The following TREML4 variants were observed in gnomAD, a reference collection of about 807,000 sequenced individuals.
TREML4 encodes triggering receptor expressed on myeloid cells like 4.
TREML4 carries 25 observed loss-of-function variants against 25.4 expected under a neutral mutation model. The ratio of observed to expected loss-of-function variants is 0.98; its 90% confidence interval spans 0.72 to 1.37. The LOEUF is 1.37. TREML4 is among the 40% of genes most tolerant of loss of function. The pLI, the probability that TREML4 is intolerant of heterozygous loss-of-function variation, is 0.00. For synonymous variants in TREML4, 92 were observed against 87.9 expected, an observed-to-expected ratio of 1.05 and a Z score of -0.26; for missense variants, 268 against 236.5, an observed-to-expected ratio of 1.13 and a Z score of -0.87.
chr6:41,236,591 A>T lies in TREML4; in HGVS notation c.*9A>T, dbSNP rs9349186. ...AGGGCCTGATGTTGTGAGTCCTGTT[A>T]GTGCTCCTGATCTGCAGGTGCCACA... On this transcript the variant is annotated 3_prime_UTR_variant, in exon 5 of 6. Coordinates refer to ENST00000341495, the MANE Select transcript of TREML4 (RefSeq NM_198153.3). 528,252 of 1,609,508 alleles carry T rather than the reference A, an allele frequency of 0.33. 87,705 individuals are homozygous for T. Among genetic ancestry groups the T allele is most frequent in the East Asian group, 0.38 (17,190 of 44,806 alleles).
chr6:41,237,845 A>C lies in TREML4; in HGVS notation c.*826A>C, dbSNP rs1766932594. On this transcript the variant is annotated 3_prime_UTR_variant, in exon 6 of 6. Coordinates refer to ENST00000341495, the MANE Select transcript of TREML4 (RefSeq NM_198153.3). ...AATTCTGTTTACTTAACATGTGAGA[A>C]GATTCACAGCCTAAAAGAGAAAATC... is the stretch of plus-strand genomic sequence containing the variant. The C allele has an allele frequency of 6.6e-6, 1 of 152,254 alleles. No homozygotes were observed. Among genetic ancestry groups the C allele is most frequent in the African/African-American group, 2.4e-5 (1 of 41,468 alleles). The allele number at this position is 152,254 out of a possible 1,614,324, so 9.4% of individuals were successfully genotyped here.
intron 3 of TREML4, 38 bp from the exon 4 acceptor site, chr6:41,230,024 G>A (rs935571108): frequency 7.1e-6 from 11 of 1,549,308 alleles, no homozygotes; most frequent in Non-Finnish European, 9.8e-6. Flanking sequence ...CTATTCTGGT[G>A]CCCTGGGCAG....
intron 4 of TREML4, among the ~76,000 whole-genome samples, chr6:41,233,683 C>CAA (rs1368013808): frequency 6.6e-6 from 1 of 151,856 alleles, no homozygotes; most frequent in African/African-American, 2.4e-5. Context: ...CTCAGAGGAT[C>CAA]AAAGACCAAT....
In TREML4 at chr6:41,237,419, C is replaced by G. The variant is rs13204001; in HGVS notation, c.*400C>G. Reference sequence around the variant, plus strand: ...CCCAGGCTCCTCTCCAGCACTCTGTCGTTCTCTGAGCCCCACCTCAGCAGG... The same window carrying G: ...CCCAGGCTCCTCTCCAGCACTCTGTGGTTCTCTGAGCCCCACCTCAGCAGG... On this transcript the variant is annotated 3_prime_UTR_variant, in exon 6 of 6. Coordinates refer to ENST00000341495, the MANE Select transcript of TREML4 (RefSeq NM_198153.3). The G allele has an allele frequency of 0.34, 51,516 of 152,436 alleles. 8,691 individuals are homozygous for G. Among genetic ancestry groups the G allele is most frequent in the Middle Eastern group, 0.43 (128 of 296 alleles). 9.4% of individuals were successfully genotyped at this position (152,436 alleles called of 1,614,324 possible).
At chr6:41,229,410 A>T in intron 2 of TREML4, 111 bp from the exon 3 acceptor site, 1 of 1,169,444 alleles carries the variant, frequency 8.6e-7, no homozygotes, top group South Asian at 1.2e-5. Flanking sequence ...CTCCTGGCTT[A>T]AGACATCCTG....
In TREML4 at chr6:41,233,023, G is replaced by A. The variant is rs77625822; in HGVS notation, c.506+2901G>A. ...AAGGAGAGACCAGAAGCCCATGAAA[G>A]AATGGTTGGGTACTTGTCTCATGAG... On this transcript the variant is annotated intron_variant, in intron 4 of 5. Transcript: ENST00000341495. 3.9e-5 allele frequency among the ~76,000 whole-genome samples: 6 copies of A among 152,282 alleles called. No homozygotes were observed. In the East Asian group the frequency reaches 9.6e-4, roughly 24 times the overall value.
In TREML4 at chr6:41,228,758, C is replaced by T. The variant is rs1267511334; in HGVS notation, c.108C>T (p.Leu36=). The T allele has an allele frequency of 6.2e-7, 1 of 1,614,018 alleles. No homozygotes were observed. The highest frequency in any genetic ancestry group is 1.3e-5 in the African/African-American group (1 of 74,886). The change falls in exon 2 of 6, where the codon CTC becomes CTT. Residue 36 remains leucine, a synonymous_variant. Transcript: ENST00000341495. ...TTCACAAACACCCAGGACAGACCCTCCTCCTGCAATGCCAGTACTCACCCA... is the reference window on the plus strand; with the variant it reads ...TTCACAAACACCCAGGACAGACCCTTCTCCTGCAATGCCAGTACTCACCCA... ...EELHKHPGQT[L]LLQCQYSPKR...
In TREML4 at chr6:41,237,829, T is replaced by G. The variant is rs1035124426; in HGVS notation, c.*810T>G. On this transcript the variant is annotated 3_prime_UTR_variant, in exon 6 of 6. Coordinates refer to ENST00000341495, the MANE Select transcript of TREML4 (RefSeq NM_198153.3). ...GATAATCTGGGGCCCAAATTCTGTT[T>G]ACTTAACATGTGAGAAGATTCACAG... 2.0e-5 allele frequency: 3 copies of G among 152,212 alleles called. No homozygotes were observed. Among genetic ancestry groups the G allele is most frequent in the African/African-American group, 4.8e-5 (2 of 41,448 alleles). 9.4% of individuals were successfully genotyped at this position (152,212 alleles called of 1,614,324 possible). A position where few individuals can be genotyped will look rare whatever the true frequency, so the allele number is the denominator to read the frequency against.
intron 4 of TREML4, among the ~76,000 whole-genome samples, chr6:41,235,372 G>C (rs1193097088): frequency 5.9e-5 from 9 of 152,182 alleles, no homozygotes; most frequent in Admixed American, 1.3e-4. Flanking sequence ...AAGAAGATTA[G>C]ACAAGAAGAG....
chr6:41,232,860 A>G (rs1439172752), intron 4 of TREML4, among the ~76,000 whole-genome samples: 1 of 152,108 alleles, frequency 6.6e-6, no homozygotes, highest in Non-Finnish European at 1.5e-5. Flanking sequence ...GTGGCTGTAA[A>G]TACTAAGAAG....
chr6:41,228,737 C>T lies in TREML4; in HGVS notation c.87C>T (p.His29=), dbSNP rs1287208425. 1 of 1,613,550 alleles carries T rather than the reference C, an allele frequency of 6.2e-7. No homozygotes were observed. The highest frequency in any genetic ancestry group is 8.5e-7 in the Non-Finnish European group (1 of 1,179,702). The change falls in exon 2 of 6, where the codon CAC becomes CAT. Residue 29 remains histidine (H), a synonymous_variant. Transcript: ENST00000341495. The part of the protein sequence containing the change: ...WPQGAVPEEL[H]KHPGQTLLLQ... ...AGGGTGCTGTGCCTGAAGAACTTCA[C>T]AAACACCCAGGACAGACCCTCCTCC...
chr6:41,236,639 C>T, intron 5 of TREML4, 22 bp downstream of exon 5: 1 of 1,421,264 alleles, frequency 7.0e-7, no homozygotes, highest in Non-Finnish European at 9.9e-7. Context: ...TGGATTTCAC[C>T]TGGGGGCAAT....
intron 5 of TREML4, 60 bp downstream of exon 5, chr6:41,236,677 A>C: frequency 1.0e-6 from 1 of 952,772 alleles, no homozygotes; most frequent in Non-Finnish European, 1.6e-6. Context: ...CTGTTCCTAG[A>C]AAGATGGCTA....
At chr6:41,229,180 C>A in intron 2 of TREML4, 136 bp downstream of exon 2, 1 of 784,820 alleles carries the variant, frequency 1.3e-6, no homozygotes, top group South Asian at 1.8e-5. Context: ...GAGCAAAGAT[C>A]CTGTCCCCAA....
intron 4 of TREML4, among the ~76,000 whole-genome samples, chr6:41,231,825 G>A (rs1766805796): frequency 6.6e-6 from 1 of 152,166 alleles, no homozygotes; most frequent in South Asian, 2.1e-4. Context: ...AAGAACTCCT[G>A]TGGGAGATAA....
intron 5 of TREML4, among the ~76,000 whole-genome samples, chr6:41,236,823 C>A (rs1379141626): frequency 6.6e-6 from 1 of 152,090 alleles, no homozygotes; most frequent in African/African-American, 2.4e-5. Context: ...AGTCCCATCC[C>A]AGGGCTCTGC....
chr6:41,235,301 G>A (rs1766873559), intron 4 of TREML4, among the ~76,000 whole-genome samples: 1 of 152,144 alleles, frequency 6.6e-6, no homozygotes, highest in Admixed American at 6.5e-5. Context: ...TACCATAAAT[G>A]TCTTCTAAAA....
chr6:41,233,271 T>C (rs1766835659), intron 4 of TREML4, among the ~76,000 whole-genome samples: 2 of 152,174 alleles, frequency 1.3e-5, no homozygotes, highest in South Asian at 2.1e-4. Context: ...GCAATTCCAA[T>C]AAATTTAAGT....
chr6:41,234,398 A>G (rs4714441), intron 4 of TREML4, among the ~76,000 whole-genome samples: 128,208 of 151,916 alleles, frequency 0.84, 54,834 homozygotes, highest in East Asian at 0.95. Flanking sequence ...AAGATGGAAC[A>G]CGAGCATCAG....
Sources: allele counts gnomAD v4.1 joint callset (sites outside exome capture counted in the v4.1 genomes callset), GRCh38; gene constraint gnomAD v4.1.1; transcripts MANE v1.5; gene names NCBI Gene and HGNC (gene_info 2026-07-23, HGNC 2026-07-21).